Variants in RNF146 observed in about 807,000 individuals in gnomAD.
RNF146 encodes the protein ring finger protein 146.
In RNF146, 11 loss-of-function variants were observed where a neutral mutation model predicts 29.7. The ratio of observed to expected loss-of-function variants is 0.37; its 90% CI spans 0.23 to 0.61. The LOEUF (loss-of-function observed/expected upper bound fraction) is 0.61. Ranked by LOEUF, RNF146 falls within the 20% of genes least tolerant of loss-of-function variation. RNF146 has a pLI of 0.66. For missense variants in RNF146, 342 were observed against 438.9 expected, an observed-to-expected ratio of 0.78 and a Z score of 1.97; for synonymous variants, 150 against 159.7, an observed-to-expected ratio of 0.94 and a Z score of 0.46.
At position 127,287,090 on chromosome 6, in the gene RNF146, A is replaced by G. The variant is rs1259779203; in HGVS notation, c.477A>G (p.Glu159=). Residue 159 remains glutamate, a synonymous_variant, in exon 3 of 3, where the codon GAA becomes GAG. Coordinates refer to ENST00000368314, the MANE Select transcript of RNF146 (RefSeq NM_001242850.2). The part of the protein sequence containing the change: ...LENMVQYRRN[E]HGRRRKIKRD... ...ACATGGTTCAATATAGGAGAAATGA[A>G]CATGGACGTCGCAGGAAGATTAAGC... 6.2e-6 allele frequency: 10 copies of G among 1,613,238 alleles called. No homozygotes were observed. In the South Asian group the frequency reaches 1.1e-4, roughly 18 times the overall value.
chr6:127,270,144 A>G (rs1300683627), intron 1 of RNF146, among the ~76,000 whole-genome samples: 2 of 152,178 alleles, frequency 1.3e-5, no homozygotes, highest in Non-Finnish European at 2.9e-5. Context: ...GAGTTGTTAC[A>G]AATTATAAAT....
chr6:127,282,885 T>G (rs992744685), intron 2 of RNF146, among the ~76,000 whole-genome samples: 8 of 151,814 alleles, frequency 5.3e-5, no homozygotes, highest in Non-Finnish European at 7.4e-5. Context: ...GTTCCCTTTT[T>G]GTGTGTCTGT....
intron 1 of RNF146, among the ~76,000 whole-genome samples, chr6:127,273,881 T>G (rs1481192627): frequency 2.6e-5 from 4 of 152,196 alleles, no homozygotes; most frequent in Admixed American, 6.5e-5. Context: ...ATACATTCTT[T>G]TGTTTACTGC....
At chr6:127,271,847 C>A (rs1777544265) in intron 1 of RNF146, among the ~76,000 whole-genome samples, 2 of 151,980 alleles carry the variant, frequency 1.3e-5, no homozygotes, top group African/African-American at 4.8e-5. Context: ...GGGGTCTCAC[C>A]ATCTTGCCCA....
chr6:127,282,838 A>G (rs544592150), intron 2 of RNF146, among the ~76,000 whole-genome samples: 1 of 151,886 alleles, frequency 6.6e-6, no homozygotes, highest in Non-Finnish European at 1.5e-5. Context: ...CCAGCTTCAT[A>G]GAAATCCTTA....
Position 127,286,114 on chromosome 6 carries a change from T to G in RNF146, c.3-502T>G. 8.1e-7 allele frequency: 1 copy of G among 1,230,366 alleles called. No individual in the cohort carries two copies. Among genetic ancestry groups the G allele is most frequent in the Non-Finnish European group, 1.0e-6 (1 of 987,020 alleles). 76.2% of individuals were successfully genotyped at this position (1,230,366 alleles called of 1,614,324 possible). On this transcript the variant is annotated intron_variant, in intron 2 of 2. Coordinates refer to ENST00000368314, the MANE Select transcript of RNF146 (RefSeq NM_001242850.2). The surrounding 1 kb of genome is among the most constrained non-coding windows in gnomAD (Gnocchi z 4.6). The stretch of plus-strand genomic sequence containing the variant: ...ATATGATTGTTACCTTTATGAAGCT[T>G]TAGTGATTACAAAGCACTTTTTTTG...
intron 1 of RNF146, among the ~76,000 whole-genome samples, chr6:127,274,296 G>A (rs9375498): frequency 0.14 from 21,504 of 152,002 alleles, 2,979 homozygotes; most frequent in East Asian, 0.57. Flanking sequence ...TTATTTGGGT[G>A]TTCAAATATG....
intron 2 of RNF146, chr6:127,285,377 G>T: frequency 2.0e-6 from 2 of 980,120 alleles, no homozygotes; most frequent in African/African-American, 1.7e-5. Context: ...TATATCTTTT[G>T]TAACTACTGA....
chr6:127,268,763 GAAAT>G (rs1019761686), intron 1 of RNF146, among the ~76,000 whole-genome samples: 24 of 152,012 alleles, frequency 1.6e-4, no homozygotes, highest in African/African-American at 5.8e-4. Context: ...GAAGAAAAAA[GAAAT>G]AACTTCTTTT....
At chr6:127,272,953 C>T (rs1033378699) in intron 1 of RNF146, among the ~76,000 whole-genome samples, 1 of 152,142 alleles carries the variant, frequency 6.6e-6, no homozygotes, top group East Asian at 1.9e-4. Context: ...CTGCATTTAC[C>T]GATACTGTGT....
At chr6:127,267,953 C>G (rs1196223271) in intron 1 of RNF146, among the ~76,000 whole-genome samples, 1 of 152,168 alleles carries the variant, frequency 6.6e-6, no homozygotes, top group Non-Finnish European at 1.5e-5. Flanking sequence ...ACAGGTAAAA[C>G]CTACAGGACT....
At chr6:127,277,296 C>T (rs1392877642) in intron 1 of RNF146, among the ~76,000 whole-genome samples, 1 of 151,906 alleles carries the variant, frequency 6.6e-6, no homozygotes, top group Non-Finnish European at 1.5e-5. Context: ...GCGTAGGCTG[C>T]AGCAAGGAAA....
chr6:127,286,093 G>T lies in RNF146; in HGVS notation c.3-523G>T. 8.1e-7 allele frequency: 1 copy of T among 1,229,548 alleles called. No individual in the cohort carries two copies. The highest frequency in any genetic ancestry group is 4.1e-5 in the South Asian group (1 of 24,272). The allele number at this position is 1,229,548 out of a possible 1,614,324, so 76.2% of individuals were successfully genotyped here. On this transcript the variant is annotated intron_variant, in intron 2 of 2. Coordinates refer to ENST00000368314, the MANE Select transcript of RNF146 (RefSeq NM_001242850.2). This position sits in a 1 kb window ranked among gnomAD's most constrained non-coding sequence, Gnocchi z 4.6. ...GTTATTTTCTCCTTTGGTCTTATAT[G>T]ATTGTTACCTTTATGAAGCTTTAGT...
chr6:127,285,529 C>CTT (rs10669927), intron 2 of RNF146, among the ~76,000 whole-genome samples: 18,839 of 129,840 alleles, frequency 0.15, 2,600 homozygotes, highest in East Asian at 0.57. Flanking sequence ...TTTAAAATGT[C>CTT]TTTTTTTTTT....
chr6:127,286,415 A>C lies in RNF146; in HGVS notation c.3-201A>C, dbSNP rs1387381556. The C allele has an allele frequency of 1.5e-6, 1 of 661,574 alleles. No homozygotes were observed. Among genetic ancestry groups the C allele is most frequent in the East Asian group, 2.8e-5 (1 of 35,102 alleles). 41.0% of individuals were successfully genotyped at this position (661,574 alleles called of 1,614,324 possible). A position where few individuals can be genotyped will look rare whatever the true frequency, so the allele number is the denominator to read the frequency against. On this transcript the variant is annotated intron_variant, in intron 2 of 2. Coordinates refer to ENST00000368314, the MANE Select transcript of RNF146 (RefSeq NM_001242850.2). This position sits in a 1 kb window ranked among gnomAD's most constrained non-coding sequence, Gnocchi z 4.6. ...ACTGATGGAATTTTTATACATTCCC[A>C]AGGTATGTACAAGTAGATGCTTACA...
rs773819934 is a variant in RNF146 at position 127,287,596 on chromosome 6, G to A, written c.983G>A (p.Arg328Gln). Residue 328 changes from arginine to glutamine, a missense_variant, in exon 3 of 3, where the codon CGA (arginine) becomes CAA (glutamine). Arg to Gln is a conservative substitution (Grantham distance 43, BLOSUM62 1). Coordinates refer to ENST00000368314, the MANE Select transcript of RNF146 (RefSeq NM_001242850.2). ...CAGACAGTACCCGATCGATCAGATC[G>A]ATCGGGAACTGATCGATCAGTAGCA... ...ANQTVPDRSDRSGTDRSVAGG... is the reference protein window; with the variant it reads ...ANQTVPDRSDQSGTDRSVAGG... The A allele has an allele frequency of 3.7e-6, 6 of 1,612,406 alleles. No homozygotes were observed. The highest frequency in any genetic ancestry group is 1.1e-5 in the South Asian group (1 of 90,968).
Position 127,286,173 on chromosome 6 carries a change from T to G in RNF146, c.3-443T>G. ...TACCTGAGCTTTGTAAACTCTGATTTGCAGGTAAGGAAATTTAGACTAATG... is the reference window on the plus strand; with the variant it reads ...TACCTGAGCTTTGTAAACTCTGATTGGCAGGTAAGGAAATTTAGACTAATG... On this transcript the variant is annotated intron_variant, in intron 2 of 2. Coordinates refer to ENST00000368314, the MANE Select transcript of RNF146 (RefSeq NM_001242850.2). This position sits in a 1 kb window ranked among gnomAD's most constrained non-coding sequence, Gnocchi z 4.6. The G allele has an allele frequency of 8.1e-7, 1 of 1,230,834 alleles. No homozygotes were observed. The highest frequency in any genetic ancestry group is 1.0e-6 in the Non-Finnish European group (1 of 987,418). 76.2% of individuals were successfully genotyped at this position (1,230,834 alleles called of 1,614,324 possible).
chr6:127,271,416 T>C (rs1012294251), intron 1 of RNF146, among the ~76,000 whole-genome samples: 9 of 152,250 alleles, frequency 5.9e-5, no homozygotes, highest in Non-Finnish European at 1.3e-4. Flanking sequence ...CCATTAACTT[T>C]GATTATAACA....
intron 1 of RNF146, among the ~76,000 whole-genome samples, chr6:127,271,298 G>A (rs148079869): frequency 8.9e-4 from 136 of 152,154 alleles, no homozygotes; most frequent in Middle Eastern, 3.4e-3. Context: ...TTTTGACTGC[G>A]CAGGGTGTAG....
Sources: allele counts gnomAD v4.1 joint callset (sites outside exome capture counted in the v4.1 genomes callset), GRCh38; gene constraint gnomAD v4.1.1; non-coding constraint Gnocchi (gnomAD v3.1); transcripts MANE v1.5; gene names NCBI Gene and HGNC (gene_info 2026-07-23, HGNC 2026-07-21).